SPOCK1: variants seen among roughly 807,000 people sequenced by gnomAD.
The protein encoded by SPOCK1 is SPARC (osteonectin), cwcv and kazal like domains proteoglycan 1.
Under a neutral mutation model 55.3 loss-of-function variants are expected in SPOCK1, and 23 were observed. The ratio of observed to expected loss-of-function variants is 0.42; its 90% CI spans 0.30 to 0.59. The LOEUF is 0.59. SPOCK1 is among the 20% of genes least tolerant of loss of function. The pLI is 0.22. For missense variants in SPOCK1, 499 were observed against 552.5 expected, an observed-to-expected ratio of 0.90 and a Z score of 0.97; for synonymous variants, 226 against 221.0, an observed-to-expected ratio of 1.02 and a Z score of -0.20.
chr5:137,374,712 A>T (rs1205322110), intron 2 of SPOCK1, among the ~76,000 whole-genome samples: 1 of 152,194 alleles, frequency 6.6e-6, no homozygotes, highest in Non-Finnish European at 1.5e-5. Flanking sequence ...GCTGAGGGGA[A>T]CACAGCATGC....
chr5:137,057,442 T>C (rs1281915931), intron 6 of SPOCK1, among the ~76,000 whole-genome samples: 2 of 152,216 alleles, frequency 1.3e-5, no homozygotes, highest in Admixed American at 6.5e-5. Context: ...TCTGGCATCA[T>C]TATATATTCC....
chr5:137,334,457 A>G (rs1446562440), intron 2 of SPOCK1, among the ~76,000 whole-genome samples: 1 of 152,200 alleles, frequency 6.6e-6, no homozygotes, highest in Non-Finnish European at 1.5e-5. Context: ...TAGCTAGTGC[A>G]AACGGAGAGC....
At chr5:137,364,317 C>A (rs368072820) in intron 2 of SPOCK1, among the ~76,000 whole-genome samples, 1 of 152,114 alleles carries the variant, frequency 6.6e-6, no homozygotes, top group African/African-American at 2.4e-5. Flanking sequence ...AGCGGGGTGA[C>A]GTTTTTTGCA....
rs115477216 is a variant in SPOCK1 at position 137,200,531 on chromosome 5, G to A, written c.233-59837C>T. Among the ~76,000 whole-genome samples the A allele has an allele frequency of 7.5e-3, 1,139 of 152,192 alleles. 15 individuals are homozygous for A. The highest frequency in any genetic ancestry group is 0.026 in the African/African-American group (1,063 of 41,498). ...CTCCAGAAAGGCAGGCATTCCTGTC[G>A]GTTTACTGTTGCTAGAACAGTGTTT... is the stretch of plus-strand genomic sequence containing the variant. On this transcript the variant is annotated intron_variant, in intron 3 of 10. Coordinates refer to ENST00000394945, the MANE Select transcript of SPOCK1 (RefSeq NM_004598.4).
chr5:137,090,576 C>A (rs1381308188), intron 5 of SPOCK1, among the ~76,000 whole-genome samples: 1 of 152,218 alleles, frequency 6.6e-6, no homozygotes, highest in African/African-American at 2.4e-5. Flanking sequence ...CACCCCTCAC[C>A]TCACAGCCAG....
intron 6 of SPOCK1, among the ~76,000 whole-genome samples, chr5:137,011,112 G>C (rs191025330): frequency 6.6e-6 from 1 of 152,156 alleles, no homozygotes; most frequent in Admixed American, 6.6e-5. Context: ...GCGCAGGCAG[G>C]AGATGGTGAT....
intron 2 of SPOCK1, among the ~76,000 whole-genome samples, chr5:137,279,719 C>T (rs906479292): frequency 2.0e-5 from 3 of 152,280 alleles, no homozygotes; most frequent in African/African-American, 7.2e-5. Flanking sequence ...ATGCATATGA[C>T]AATTACAATC....
rs76811783 is a variant in SPOCK1 at position 136,979,017 on chromosome 5, T to C, written c.1130-173A>G. Among the ~76,000 whole-genome samples, 573 of 152,296 alleles carry C rather than the reference T, an allele frequency of 3.8e-3. 2 individuals are homozygous for C. The highest frequency in any genetic ancestry group is 7.0e-3 in the Non-Finnish European group (475 of 68,018). On this transcript the variant is annotated intron_variant, in intron 10 of 10. Coordinates refer to ENST00000394945, the MANE Select transcript of SPOCK1 (RefSeq NM_004598.4). ...AGGGCATACATTACAAACTTTGTTC[T>C]CGTAAGAGCCCTAGAATTCTTGAGA...
chr5:137,010,140 T>A lies in SPOCK1; in HGVS notation c.590-17540A>T, dbSNP rs368557199. Among the ~76,000 whole-genome samples, 10 of 152,258 alleles carry A rather than the reference T, an allele frequency of 6.6e-5. No individual in the cohort carries two copies. The East Asian group carries it at 9.7e-4, about 15-fold the overall frequency. On this transcript the variant is annotated intron_variant, in intron 6 of 10. Transcript: ENST00000394945. ...TCACAACCTGCTGTCTCTTTTGGAC[T>A]CTGAGGTCAGATGCAGTAAGAATTC... is the stretch of plus-strand genomic sequence containing the variant.
At chr5:137,091,636 T>C (rs1753056278) in intron 5 of SPOCK1, among the ~76,000 whole-genome samples, 1 of 152,150 alleles carries the variant, frequency 6.6e-6, no homozygotes, top group Admixed American at 6.5e-5. Flanking sequence ...GCAGTTCAAA[T>C]TTCCTCACTG....
chr5:137,493,961 A>T (rs1383035345), intron 2 of SPOCK1, among the ~76,000 whole-genome samples: 1 of 151,864 alleles, frequency 6.6e-6, no homozygotes, highest in Non-Finnish European at 1.5e-5. Flanking sequence ...AATCCCACAG[A>T]GCATGTGCCA....
chr5:137,308,990 T>C (rs756178171), intron 2 of SPOCK1, among the ~76,000 whole-genome samples: 15 of 152,298 alleles, frequency 9.8e-5, no homozygotes, highest in Admixed American at 5.2e-4. Context: ...ATTTTGACTG[T>C]GGTTATCTCC....
At chr5:137,177,974 A>T (rs1754889307) in intron 3 of SPOCK1, among the ~76,000 whole-genome samples, 1 of 152,196 alleles carries the variant, frequency 6.6e-6, no homozygotes, top group Admixed American at 6.5e-5. Flanking sequence ...GACCTCAAGG[A>T]CCACATGTTG....
intron 5 of SPOCK1, among the ~76,000 whole-genome samples, chr5:137,111,876 G>A (rs776079875): frequency 2.6e-5 from 4 of 151,984 alleles, no homozygotes; most frequent in Non-Finnish European, 5.9e-5. Flanking sequence ...CTTGTTGTTG[G>A]TTTGAGTTAA....
intron 3 of SPOCK1, among the ~76,000 whole-genome samples, chr5:137,145,500 T>A (rs545372778): frequency 6.6e-6 from 1 of 152,336 alleles, no homozygotes; most frequent in East Asian, 1.9e-4. Flanking sequence ...ACCTCAGAGA[T>A]GCTCAGATGA....
At chr5:137,342,988 G>T (rs868851784) in intron 2 of SPOCK1, among the ~76,000 whole-genome samples, 27 of 152,330 alleles carry the variant, frequency 1.8e-4, no homozygotes, top group African/African-American at 6.3e-4. Context: ...CTAGATAAAT[G>T]ATCTGATGCC....
chr5:137,421,534 C>T (rs1365093297), intron 2 of SPOCK1, among the ~76,000 whole-genome samples: 2 of 152,084 alleles, frequency 1.3e-5, no homozygotes, highest in African/African-American at 4.8e-5. Context: ...TTGAATTGAT[C>T]CCTTTATGAT....
intron 4 of SPOCK1, among the ~76,000 whole-genome samples, chr5:137,113,453 T>C (rs1159195663): frequency 1.3e-5 from 2 of 152,198 alleles, no homozygotes; most frequent in African/African-American, 2.4e-5. Flanking sequence ...CTTTGAAATG[T>C]TTGGCACTGG....
intron 3 of SPOCK1, among the ~76,000 whole-genome samples, chr5:137,215,323 C>G (rs1755695783): frequency 6.6e-6 from 1 of 152,180 alleles, no homozygotes; most frequent in Admixed American, 6.5e-5. Flanking sequence ...ACCCTGTATA[C>G]AGGTCTGGCC....
Sources: gnomAD v4.1 joint callset for allele counts (sites outside exome capture counted in the v4.1 genomes callset) on GRCh38, gnomAD v4.1.1 for gene constraint, MANE v1.5 for transcripts, NCBI Gene and HGNC (gene_info 2026-07-23, HGNC 2026-07-21) for gene names.